Variants in SLC7A1 observed in about 807,000 individuals in gnomAD.
SLC7A1 encodes the protein high affinity cationic amino acid transporter 1.
Under a neutral mutation model 53.9 loss-of-function variants are expected in SLC7A1, and 10 were observed. The ratio of observed to expected loss-of-function variants is 0.19; its 90% CI spans 0.11 to 0.31. SLC7A1 has a LOEUF of 0.31. Among genes scored for constraint, SLC7A1 ranks in the 10% least tolerant of loss-of-function variants. The probability of loss-of-function intolerance (pLI) is 1.00; values close to 1 mark genes in which losing one functional copy is unlikely to be tolerated. For synonymous variants in SLC7A1, 342 were observed against 338.7 expected, an observed-to-expected ratio of 1.01 and a Z score of -0.11; for missense variants, 525 against 827.2, an observed-to-expected ratio of 0.63 and a Z score of 4.48.
At chr13:29,591,708 C>A (rs1206612122) in intron 1 of SLC7A1, among the ~76,000 whole-genome samples, 1 of 152,084 alleles carries the variant, frequency 6.6e-6, no homozygotes, top group Non-Finnish European at 1.5e-5. Flanking sequence ...GGGAGGGGGG[C>A]AAGGGGACAA....
chr13:29,557,104 T>C (rs1447430852), intron 1 of SLC7A1, among the ~76,000 whole-genome samples: 1 of 152,262 alleles, frequency 6.6e-6, no homozygotes, highest in African/African-American at 2.4e-5. Context: ...CAATTTATTG[T>C]AATTTTTGAG....
intron 2 of SLC7A1, among the ~76,000 whole-genome samples, chr13:29,549,952 C>A (rs1436239474): frequency 2.0e-5 from 3 of 152,208 alleles, no homozygotes; most frequent in African/African-American, 7.2e-5. Flanking sequence ...TGTGAGCAAC[C>A]ATGCCCAGCC....
At chr13:29,519,349 T>C in intron 9 of SLC7A1, 98 bp downstream of exon 9, 1 of 717,262 alleles carries the variant, frequency 1.4e-6, no homozygotes, top group Non-Finnish European at 2.4e-6. Flanking sequence ...ATCACCAACC[T>C]AAAAGTTTCA....
intron 1 of SLC7A1, chr13:29,586,663 C>T (rs1276772444): frequency 1.3e-5 from 2 of 151,954 alleles, no homozygotes; most frequent in African/African-American, 2.4e-5. Flanking sequence ...TTAAATAGAA[C>T]GTTAGACCTA....
At chr13:29,556,317 AT>A (rs1183580221) in intron 1 of SLC7A1, among the ~76,000 whole-genome samples, 1 of 152,196 alleles carries the variant, frequency 6.6e-6, no homozygotes, top group Non-Finnish European at 1.5e-5. Flanking sequence ...GTAACACAAA[AT>A]GGGTTAATCC....
chr13:29,582,952 A>G (rs1871711604), intron 1 of SLC7A1, among the ~76,000 whole-genome samples: 1 of 152,258 alleles, frequency 6.6e-6, no homozygotes, highest in African/African-American at 2.4e-5. Context: ...GTCATAATGA[A>G]CAGGACTGTT....
In SLC7A1 at chr13:29,555,357, C is replaced by CAAAAAAAAAAAAAAAAAAAAAA. The variant is rs538934310; in HGVS notation, c.-114-1519_-114-1498dup. On this transcript the variant is annotated intron_variant, in intron 1 of 12. Transcript: ENST00000380752. ...TGGGCGACAGAGCGAGACTCCGTCT[C>CAAAAAAAAAAAAAAAAAAAAAA]AAAAAAAAAAAAAAAAAAAAAAAAG... Among the ~76,000 whole-genome samples the CAAAAAAAAAAAAAAAAAAAAAA allele has an allele frequency of 1.6e-4, 3 of 18,778 alleles. 1 individual carries two copies. Among genetic ancestry groups the CAAAAAAAAAAAAAAAAAAAAAA allele is most frequent in the Non-Finnish European group, 3.5e-4 (3 of 8,478 alleles). The allele number at this position is 18,778 out of a possible 152,430, so 12.3% of individuals were successfully genotyped here.
At chr13:29,559,520 T>G (rs1433900853) in intron 1 of SLC7A1, among the ~76,000 whole-genome samples, 16 of 61,808 alleles carry the variant, frequency 2.6e-4, no homozygotes, top group African/African-American at 4.1e-4. Flanking sequence ...TGACGGGGAG[T>G]GAATGTGAGT....
In SLC7A1 at chr13:29,511,716, G is replaced by A. The variant is rs1883397594; in HGVS notation, c.*2764C>T. On this transcript the variant is annotated 3_prime_UTR_variant, in exon 13 of 13. Transcript: ENST00000380752. The stretch of plus-strand genomic sequence containing the variant: ...CTGGGTTTGCTGCTTCATGAATTTG[G>A]GCCTTCGGAGGTCATGAACACATGC... 6.6e-6 allele frequency: 1 copy of A among 152,256 alleles called. No individual in the cohort carries two copies. Among genetic ancestry groups the A allele is most frequent in the Non-Finnish European group, 1.5e-5 (1 of 68,074 alleles). 9.4% of individuals were successfully genotyped at this position (152,256 alleles called of 1,614,324 possible).
intron 5 of SLC7A1, among the ~76,000 whole-genome samples, chr13:29,525,378 T>C (rs1054152689): frequency 3.9e-5 from 6 of 152,188 alleles, no homozygotes; most frequent in East Asian, 3.9e-4. Context: ...CTCAACCATA[T>C]TGACAGCCAC....
intron 2 of SLC7A1, among the ~76,000 whole-genome samples, chr13:29,546,221 C>G (rs1284164297): frequency 6.6e-6 from 1 of 152,206 alleles, no homozygotes; most frequent in Non-Finnish European, 1.5e-5. Flanking sequence ...ACAGTGGGAG[C>G]TTCCACGAAA....
intron 3 of SLC7A1, among the ~76,000 whole-genome samples, chr13:29,534,883 T>C (rs1028897590): frequency 2.6e-5 from 4 of 152,230 alleles, no homozygotes; most frequent in South Asian, 2.1e-4. Context: ...TTCTTTTAAG[T>C]TGATGTGTTC....
At chr13:29,585,437 GATAGTAAAA>G (rs1190662776) in intron 1 of SLC7A1, among the ~76,000 whole-genome samples, 12 of 152,294 alleles carry the variant, frequency 7.9e-5, no homozygotes, top group African/African-American at 2.9e-4. Context: ...GCGTATCACA[GATAGTAAAA>G]ATGAGTACTG....
chr13:29,531,649 A>G (rs1869166718), intron 4 of SLC7A1, among the ~76,000 whole-genome samples: 1 of 152,152 alleles, frequency 6.6e-6, no homozygotes, highest in East Asian at 1.9e-4. Flanking sequence ...CCTGGCCAAT[A>G]TGGCAAAACC....
chr13:29,524,408 G>A (rs1868788472), intron 5 of SLC7A1, among the ~76,000 whole-genome samples, 155 bp from the exon 6 acceptor site: 1 of 152,260 alleles, frequency 6.6e-6, no homozygotes, highest in South Asian at 2.1e-4. Context: ...TCCAGCCACT[G>A]CATGCTAACT....
chr13:29,592,535 G>A (rs1872153754), intron 1 of SLC7A1, among the ~76,000 whole-genome samples: 1 of 152,180 alleles, frequency 6.6e-6, no homozygotes, highest in Admixed American at 6.5e-5. Context: ...CATCCTTCTG[G>A]TAATTCCATT....
chr13:29,511,168 T>A lies in SLC7A1; in HGVS notation c.*3312A>T, dbSNP rs556818040. 9.2e-5 allele frequency: 14 copies of A among 152,726 alleles called. No homozygotes were observed. The highest frequency in any genetic ancestry group is 3.1e-4 in the African/African-American group (13 of 41,582). The allele number at this position is 152,726 out of a possible 1,614,324, so 9.5% of individuals were successfully genotyped here. A position where few individuals can be genotyped will look rare whatever the true frequency, so the allele number is the denominator to read the frequency against. On this transcript the variant is annotated 3_prime_UTR_variant, in exon 13 of 13. Transcript: ENST00000380752. ...GATGTGCTGAAGGTGCAGGAGGCAG[T>A]GCGTCAGGGCCTTGGTGGCTGGGGT...
chr13:29,530,774 T>C (rs1225961997), intron 4 of SLC7A1, 62 bp from the exon 5 acceptor site: 1 of 1,425,604 alleles, frequency 7.0e-7, no homozygotes, highest in Non-Finnish European at 9.8e-7. Context: ...GGAAGGTCCT[T>C]CCTGGATGGG....
rs149116208 is a variant in SLC7A1 at position 29,535,973 on chromosome 13, G to A, written c.216C>T (p.Ile72=). 2.3e-5 allele frequency: 37 copies of A among 1,614,032 alleles called. No individual in the cohort carries two copies. The highest frequency in any genetic ancestry group is 6.7e-5 in the Admixed American group (4 of 60,010). Reference sequence around the variant, plus strand: ...CAGCCAGCACTGAGGCCAGCGCAGCGATCAGGAAGGAGATGACAATGGCAG... The same window carrying A: ...CAGCCAGCACTGAGGCCAGCGCAGCAATCAGGAAGGAGATGACAATGGCAG... The part of the protein sequence containing the change: ...AGPAIVISFL[I]AALASVLAGL... Residue 72 remains isoleucine, a synonymous_variant, in exon 3 of 13, where the codon ATC becomes ATT. Coordinates refer to ENST00000380752, the MANE Select transcript of SLC7A1 (RefSeq NM_003045.5).
Sources: allele counts gnomAD v4.1 joint callset (sites outside exome capture counted in the v4.1 genomes callset), GRCh38; gene constraint gnomAD v4.1.1; transcripts MANE v1.5; gene names NCBI Gene and HGNC (gene_info 2026-07-23, HGNC 2026-07-21).